The following GALK2 variants were observed in gnomAD, a reference collection of about 807,000 sequenced individuals.
The protein encoded by GALK2 is galactokinase 2, also known as N-acetylgalactosamine kinase.
Under a neutral mutation model 52.4 loss-of-function variants are expected in GALK2, and 36 were observed. That is an observed-to-expected ratio of 0.69 (90% CI 0.53 to 0.91). The LOEUF (loss-of-function observed/expected upper bound fraction) is 0.91. Ranked by LOEUF, GALK2 falls within the 40% of genes least tolerant of loss-of-function variation. The probability of loss-of-function intolerance (pLI) is 0.00; values close to 1 mark genes in which losing one functional copy is unlikely to be tolerated. For synonymous variants in GALK2, 176 were observed against 199.1 expected (o/e 0.88, Z 0.98); for missense variants, 579 against 559.1 (o/e 1.04, Z -0.36).
intron 3 of GALK2, among the ~76,000 whole-genome samples, chr15:49,366,872 C>T (rs1422750579): frequency 6.6e-6 from 1 of 152,168 alleles, no homozygotes; most frequent in Non-Finnish European, 1.5e-5. Context: ...CTTTGGGATT[C>T]ATCTGAGTCC....
intron 5 of GALK2, among the ~76,000 whole-genome samples, chr15:49,270,828 A>G (rs1490958049): frequency 2.6e-5 from 4 of 152,196 alleles, no homozygotes; most frequent in South Asian, 2.1e-4. Flanking sequence ...TCTCATAGTT[A>G]TTATTATGCT....
chr15:49,353,847 T>G (rs1029172759), intron 3 of GALK2: 4 of 152,250 alleles, frequency 2.6e-5, no homozygotes, highest in Non-Finnish European at 5.9e-5. Context: ...ATTACTAGGT[T>G]CTTACCATAT....
intron 3 of GALK2, among the ~76,000 whole-genome samples, chr15:49,361,319 T>C (rs915763766): frequency 2.0e-5 from 3 of 152,044 alleles, no homozygotes; most frequent in African/African-American, 7.2e-5. Flanking sequence ...GTTACAGGGA[T>C]TTGTTGTACT....
At chr15:49,310,575 C>G (rs1337520233) in intron 8 of GALK2, among the ~76,000 whole-genome samples, 1 of 152,078 alleles carries the variant, frequency 6.6e-6, no homozygotes, top group Non-Finnish European at 1.5e-5. Flanking sequence ...TTGATAGTAG[C>G]CATTCTAACT....
chr15:49,365,991 A>G (rs1053701318), intron 3 of GALK2: 8 of 807,736 alleles, frequency 9.9e-6, no homozygotes, highest in Non-Finnish European at 1.8e-5. Flanking sequence ...CCATCATAAC[A>G]CAGTAGATGA....
chr15:49,256,889 A>T (rs1456293508), intron 5 of GALK2, among the ~76,000 whole-genome samples: 1 of 152,174 alleles, frequency 6.6e-6, no homozygotes, highest in Non-Finnish European at 1.5e-5. Flanking sequence ...ATGGTGCCTA[A>T]CTGAATTAAT....
chr15:49,321,497 G>A (rs530275854), intron 9 of GALK2, among the ~76,000 whole-genome samples: 1 of 152,292 alleles, frequency 6.6e-6, no homozygotes, highest in South Asian at 2.1e-4. Context: ...GTATAAGAGA[G>A]AAATCAAGAC....
Position 49,181,758 on chromosome 15 carries a change from G to GTAC in GALK2, c.53+11385_53+11387dup, listed in dbSNP as rs879726170. ...AAAAATCAAATAATAATTGAAAAAA[G>GTAC]TACTGTATATTCCTCTCCCAAATTC... is the stretch of plus-strand genomic sequence containing the variant. On this transcript the variant is annotated intron_variant, in intron 1 of 9. Transcript: ENST00000560031. Among the ~76,000 whole-genome samples, 45 of 151,788 alleles carry GTAC rather than the reference G, an allele frequency of 3.0e-4. 1 individual carries two copies. The highest frequency in any genetic ancestry group is 3.1e-4 in the Non-Finnish European group (21 of 67,936).
chr15:49,346,927 T>G (rs2041592829), intron 3 of GALK2, among the ~76,000 whole-genome samples: 2 of 152,218 alleles, frequency 1.3e-5, no homozygotes, highest in Admixed American at 1.3e-4. Context: ...ATAAGTAAAA[T>G]ATTTTAATGT....
At chr15:49,236,052 T>C in intron 4 of GALK2, 111 bp downstream of exon 4, 1 of 707,492 alleles carries the variant, frequency 1.4e-6, no homozygotes. Flanking sequence ...TAACCGATGC[T>C]TCTGTTCTAT....
chr15:49,188,681 G>C (rs566680342), intron 1 of GALK2, among the ~76,000 whole-genome samples: 13 of 152,194 alleles, frequency 8.5e-5, no homozygotes, highest in Non-Finnish European at 1.9e-4. Context: ...GCAGGAGGAT[G>C]ATCCCTAGAG....
At chr15:49,367,709 A>C in exon 4 of GALK2, 2 of 1,102,152 alleles carry the variant, frequency 1.8e-6, no homozygotes, top group Non-Finnish European at 2.5e-6. Flanking sequence ...TTACCATTTG[A>C]TATATTAAAA....
In GALK2 at chr15:49,331,850, C is replaced by T; in HGVS notation, c.*3691C>T. On this transcript the variant is annotated 3_prime_UTR_variant, in exon 10 of 10. Coordinates refer to ENST00000560031, the MANE Select transcript of GALK2 (RefSeq NM_002044.4). The stretch of plus-strand genomic sequence containing the variant: ...TTTCTTGGTAGCCTTTGCTTGGAGT[C>T]TAATCATGGAATAAAGAAAATCAGT... 2 of 1,598,002 alleles carry T rather than the reference C, an allele frequency of 1.3e-6. No individual in the cohort carries two copies. Among genetic ancestry groups the T allele is most frequent in the Non-Finnish European group, 1.7e-6 (2 of 1,165,520 alleles).
At chr15:49,347,137 T>C (rs912054303) in intron 3 of GALK2, among the ~76,000 whole-genome samples, 1 of 152,194 alleles carries the variant, frequency 6.6e-6, no homozygotes, top group African/African-American at 2.4e-5. Context: ...AGTTTTGTAG[T>C]ATACTCAGGA....
At chr15:49,225,819 G>T (rs1327781119) in intron 3 of GALK2, among the ~76,000 whole-genome samples, 1 of 152,238 alleles carries the variant, frequency 6.6e-6, no homozygotes, top group Non-Finnish European at 1.5e-5. Context: ...GCTCCCTTTG[G>T]CACAGCACCA....
chr15:49,222,488 G>T (rs1301359785), intron 3 of GALK2, among the ~76,000 whole-genome samples: 1 of 152,080 alleles, frequency 6.6e-6, no homozygotes, highest in Non-Finnish European at 1.5e-5. Flanking sequence ...TACAGGAAAG[G>T]CTTCAACTTT....
At chr15:49,299,755 CTTTCTTTCTTTCTTTCTT>C (rs2034885657) in intron 8 of GALK2, among the ~76,000 whole-genome samples, 2 of 124,606 alleles carry the variant, frequency 1.6e-5, no homozygotes, top group Admixed American at 8.1e-5. Flanking sequence ...TTCTTTCTTT[CTTTCTTTCTTTCTTTCTT>C]TCTTTCTTTC....
chr15:49,163,757 C>A (rs2084729572), intron 1 of GALK2, among the ~76,000 whole-genome samples: 2 of 152,144 alleles, frequency 1.3e-5, no homozygotes, highest in Non-Finnish European at 2.9e-5. Flanking sequence ...ACACAACTGT[C>A]TTTCTTACTT....
chr15:49,298,109 A>T (rs1332232281), intron 8 of GALK2, among the ~76,000 whole-genome samples: 2 of 151,896 alleles, frequency 1.3e-5, no homozygotes, highest in African/African-American at 2.4e-5. Context: ...ATGTTTTGTA[A>T]TTCTTATTGT....
Sources: gnomAD v4.1 joint callset for allele counts (sites outside exome capture counted in the v4.1 genomes callset) on GRCh38, gnomAD v4.1.1 for gene constraint, MANE v1.5 for transcripts, NCBI Gene and HGNC (gene_info 2026-07-23, HGNC 2026-07-21) for gene names.